Variants in CNTNAP2 observed in about 807,000 individuals in gnomAD.
The protein encoded by CNTNAP2 is contactin associated protein 2.
In CNTNAP2, 98 loss-of-function variants were observed where a neutral mutation model predicts 155.2. The ratio of observed to expected loss-of-function variants is 0.63; its 90% CI spans 0.54 to 0.75. The LOEUF is 0.75. CNTNAP2 is among the 30% of genes least tolerant of loss of function. The probability of loss-of-function intolerance (pLI) is 0.00; values close to 1 mark genes in which losing one functional copy is unlikely to be tolerated. For missense variants in CNTNAP2, 1,727 were observed against 1,688.1 expected (o/e 1.02, Z -0.40); for synonymous variants, 651 against 631.2 (o/e 1.03, Z -0.47).
intron 8 of CNTNAP2, among the ~76,000 whole-genome samples, chr7:147,143,227 T>A (rs1584752791): frequency 6.6e-6 from 1 of 152,256 alleles, no homozygotes; most frequent in East Asian, 1.9e-4. Flanking sequence ...TTCCACACAT[T>A]TCCTCCTGAT....
chr7:147,476,479 A>C (rs995855725), intron 10 of CNTNAP2, among the ~76,000 whole-genome samples: 2 of 151,880 alleles, frequency 1.3e-5, no homozygotes, highest in African/African-American at 4.8e-5. Flanking sequence ...TTGTGGTTAT[A>C]TTCTCCCAAC....
chr7:146,945,236 A>G (rs1447921345), intron 3 of CNTNAP2, among the ~76,000 whole-genome samples: 1 of 152,210 alleles, frequency 6.6e-6, no homozygotes, highest in Non-Finnish European at 1.5e-5. Context: ...AGCTGGAAGC[A>G]TCTCCTTTAG....
intron 11 of CNTNAP2, among the ~76,000 whole-genome samples, chr7:147,527,972 C>T (rs914244363): frequency 2.0e-5 from 3 of 152,204 alleles, no homozygotes; most frequent in Admixed American, 6.5e-5. Flanking sequence ...TAATTGAGCT[C>T]AATCCCACTG....
chr7:147,260,361 T>C (rs559734013), intron 8 of CNTNAP2, among the ~76,000 whole-genome samples: 1 of 152,308 alleles, frequency 6.6e-6, no homozygotes, highest in East Asian at 1.9e-4. Context: ...TAAAAGTCCA[T>C]AATATAAAAT....
At chr7:146,875,826 A>G (rs1795409381) in intron 3 of CNTNAP2, among the ~76,000 whole-genome samples, 1 of 149,332 alleles carries the variant, frequency 6.7e-6, no homozygotes. Flanking sequence ...CAGAAGGGTC[A>G]CTTGAGGCCA....
chr7:146,638,176 G>T (rs1431529561), intron 1 of CNTNAP2, among the ~76,000 whole-genome samples: 2 of 152,098 alleles, frequency 1.3e-5, no homozygotes, highest in African/African-American at 4.8e-5. Context: ...GAACTAAAGG[G>T]GCGCTTATGA....
At position 147,192,863 on chromosome 7, in the gene CNTNAP2, T is replaced by C. The variant is rs147304400; in HGVS notation, c.1348+60354T>C. On this transcript the variant is annotated intron_variant, in intron 8 of 23. Transcript: ENST00000361727. Reference sequence around the variant, plus strand: ...AAATACAGTTGTGACTAGTGGATGATTAGATTCTTCTTTGTAGCTCTATTT... The same window carrying C: ...AAATACAGTTGTGACTAGTGGATGACTAGATTCTTCTTTGTAGCTCTATTT... Among the ~76,000 whole-genome samples, 1,298 of 152,352 alleles carry C rather than the reference T, an allele frequency of 8.5e-3. 6 individuals carry two copies. Among genetic ancestry groups the C allele is most frequent in the Middle Eastern group, 0.02 (6 of 294 alleles).
At chr7:146,327,414 T>G (rs1406542497) in intron 1 of CNTNAP2, among the ~76,000 whole-genome samples, 3 of 152,242 alleles carry the variant, frequency 2.0e-5, no homozygotes. Flanking sequence ...TATATCTGGT[T>G]GCACAGAAAG....
intron 8 of CNTNAP2, among the ~76,000 whole-genome samples, chr7:147,203,664 C>T (rs1802964779): frequency 6.6e-6 from 1 of 152,036 alleles, no homozygotes; most frequent in East Asian, 1.9e-4. Context: ...AAATACCTTC[C>T]AATGTTTGCT....
At chr7:147,736,948 T>C (rs900795626) in intron 13 of CNTNAP2, among the ~76,000 whole-genome samples, 16 of 152,212 alleles carry the variant, frequency 1.1e-4, no homozygotes, top group Non-Finnish European at 2.2e-4. Context: ...GATTTTTAAC[T>C]TCTTTGCCAT....
At chr7:146,672,713 A>G (rs1287625078) in intron 1 of CNTNAP2, among the ~76,000 whole-genome samples, 2 of 152,234 alleles carry the variant, frequency 1.3e-5, no homozygotes, top group Non-Finnish European at 2.9e-5. Flanking sequence ...AATAGGTACA[A>G]TGCACTGTAA....
rs532183142 is a variant in CNTNAP2, at chr7:148,131,487, A to G, written c.2554+13199A>G. On this transcript the variant is annotated intron_variant, in intron 16 of 23. Coordinates refer to ENST00000361727, the MANE Select transcript of CNTNAP2 (RefSeq NM_014141.6). ...TGTTAAAGTGTCAAAAAGACCAACAACTAGAATTGGCCTGCCTATGACCAT... is the reference window on the plus strand; with the variant it reads ...TGTTAAAGTGTCAAAAAGACCAACAGCTAGAATTGGCCTGCCTATGACCAT... Among the ~76,000 whole-genome samples, 71 of 152,266 alleles carry G rather than the reference A, an allele frequency of 4.7e-4. No homozygotes were observed. The South Asian group carries it at 0.015, about 31-fold the overall frequency.
intron 3 of CNTNAP2, among the ~76,000 whole-genome samples, chr7:146,890,402 C>T (rs993700523): frequency 3.3e-5 from 5 of 152,186 alleles, no homozygotes; most frequent in Admixed American, 2.0e-4. Context: ...GAATCCAGAT[C>T]AGGTTTCAGC....
rs544991975 is a variant in CNTNAP2 at position 147,821,849 on chromosome 7, A to C, written c.2099-81716A>C. Among the ~76,000 whole-genome samples, 4 of 152,300 alleles carry C rather than the reference A, an allele frequency of 2.6e-5. No individual in the cohort carries two copies. In the East Asian group the frequency reaches 7.7e-4, roughly 29 times the overall value. On this transcript the variant is annotated intron_variant, in intron 13 of 23. Transcript: ENST00000361727. Reference sequence around the variant, plus strand: ...GGTTTTATTTTACATGAAATGAAAAACTACTAAAAGTTATTGGAAGTTACT... The same window carrying C: ...GGTTTTATTTTACATGAAATGAAAACCTACTAAAAGTTATTGGAAGTTACT...
At chr7:147,763,128 G>A (rs1235347286) in intron 13 of CNTNAP2, among the ~76,000 whole-genome samples, 3 of 151,932 alleles carry the variant, frequency 2.0e-5, no homozygotes, top group South Asian at 2.1e-4. Context: ...GCATGGAGGC[G>A]CATGCCTGTA....
chr7:146,646,445 TATA>T (rs1262898390), intron 1 of CNTNAP2, among the ~76,000 whole-genome samples: 1 of 152,178 alleles, frequency 6.6e-6, no homozygotes, highest in Non-Finnish European at 1.5e-5. Context: ...GTATAAGTAG[TATA>T]ATATATAGTA....
At chr7:148,138,656 A>G (rs547736839) in intron 16 of CNTNAP2, among the ~76,000 whole-genome samples, 1 of 152,136 alleles carries the variant, frequency 6.6e-6, no homozygotes, top group East Asian at 1.9e-4. Flanking sequence ...GTTTCTCTAA[A>G]GCAGCTTCTG....
At chr7:148,084,202 C>G (rs1010958726) in intron 15 of CNTNAP2, among the ~76,000 whole-genome samples, 1 of 152,148 alleles carries the variant, frequency 6.6e-6, no homozygotes, top group Non-Finnish European at 1.5e-5. Context: ...TACTCTAGAC[C>G]AAGACATCAA....
chr7:147,139,809 A>C (rs368346686), intron 8 of CNTNAP2, among the ~76,000 whole-genome samples: 1 of 152,190 alleles, frequency 6.6e-6, no homozygotes, highest in South Asian at 2.1e-4. Flanking sequence ...TATATTTCTT[A>C]GTCTCTTTCC....
Sources: gnomAD v4.1 joint callset for allele counts (sites outside exome capture counted in the v4.1 genomes callset) on GRCh38, gnomAD v4.1.1 for gene constraint, MANE v1.5 for transcripts, NCBI Gene and HGNC (gene_info 2026-07-23, HGNC 2026-07-21) for gene names.